Variants in OR5AN1 observed in about 807,000 individuals in gnomAD.
OR5AN1 encodes the protein olfactory receptor family 5 subfamily AN member 1.
For missense variants in OR5AN1, 476 were observed against 368.9 expected, an observed-to-expected ratio of 1.29 and a Z score of -2.38; for synonymous variants, 167 against 131.8, an observed-to-expected ratio of 1.27 and a Z score of -1.83.
Position 59,364,789 on chromosome 11 carries a change from A to C in OR5AN1, c.331A>C (p.Ser111Arg), listed in dbSNP as rs764033505. The change falls in exon 2 of 2, where the codon AGT (serine) becomes CGT (arginine). Residue 111 changes from serine to arginine, a missense_variant. Ser to Arg is a moderately radical substitution (Grantham distance 110). Coordinates refer to ENST00000641998, the MANE Select transcript of OR5AN1 (RefSeq NM_001004729.2). ...QYFIFSTMGL[S>R]ESCLMTAMAY... Reference sequence around the variant, plus strand: ...CTTTATCTTTTCAACGATGGGACTGAGTGAGTCTTGTCTCATGACAGCCAT... The same window carrying C: ...CTTTATCTTTTCAACGATGGGACTGCGTGAGTCTTGTCTCATGACAGCCAT... 1.2e-6 allele frequency: 2 copies of C among 1,614,046 alleles called. No homozygotes were observed. Among genetic ancestry groups the C allele is most frequent in the Admixed American group, 3.3e-5 (2 of 60,018 alleles).
chr11:59,365,282 C>T lies in OR5AN1; in HGVS notation c.824C>T (p.Ala275Val), dbSNP rs373581022. ...GGTTCTTCAAGCTTTGACAGATTTG[C>T]ATCTGTTTTCTACACTGTGGTCATT... is the stretch of plus-strand genomic sequence containing the variant. ...SGGSSSFDRFASVFYTVVIPM... is the reference protein window; with the variant it reads ...SGGSSSFDRFVSVFYTVVIPM... Residue 275 changes from alanine (A) to valine (V), a missense_variant, in exon 2 of 2, where the codon GCA becomes GTA. By Grantham distance (64) the Ala-to-Val change is moderately conservative. Transcript: ENST00000641998. 22 of 1,611,168 alleles carry T rather than the reference C, an allele frequency of 1.4e-5. No individual in the cohort carries two copies. Among genetic ancestry groups the T allele is most frequent in the Non-Finnish European group, 1.6e-5 (19 of 1,177,562 alleles).
Position 59,364,953 on chromosome 11 carries a change from T to G in OR5AN1, c.495T>G (p.Leu165=), listed in dbSNP as rs765072428. ...CTTTATTCCAAATTGGTGCTTTGCT[T>G]CAACTCCACTTCTGTGGGTCTAATG... ...TASLFQIGAL[L]QLHFCGSNVI... The change falls in exon 2 of 2, where the codon CTT becomes CTG. Residue 165 remains leucine (L), a synonymous_variant. Transcript: ENST00000641998. The G allele has an allele frequency of 1.7e-5, 27 of 1,614,056 alleles. No individual in the cohort carries two copies. The highest frequency in any genetic ancestry group is 2.3e-5 in the Non-Finnish European group (27 of 1,180,026).
intron 1 of OR5AN1, among the ~76,000 whole-genome samples, chr11:59,361,983 TTTGTGTG>T (rs1857469410): frequency 6.6e-6 from 1 of 151,342 alleles, no homozygotes; most frequent in African/African-American, 2.4e-5. Flanking sequence ...TGTGTGTGTG[TTTGTGTG>T]TGTGTGTGTG....
At chr11:59,364,384 CG>C in intron 1 of OR5AN1, 61 bp from the exon 2 acceptor site, 1 of 974,832 alleles carries the variant, frequency 1.0e-6, no homozygotes, top group Non-Finnish European at 1.6e-6. Context: ...CATATGAAGA[CG>C]GTAATGTTAT....
intron 1 of OR5AN1, chr11:59,359,951 T>C (rs1857445937): frequency 6.6e-6 from 1 of 152,230 alleles, no homozygotes; most frequent in African/African-American, 2.4e-5. Flanking sequence ...TCTAGTAAAA[T>C]CTTTAACCTA....
chr11:59,362,133 A>G (rs895246631), intron 1 of OR5AN1, among the ~76,000 whole-genome samples: 61 of 152,158 alleles, frequency 4.0e-4, no homozygotes, highest in African/African-American at 1.4e-3. Context: ...CAGTGGTCAT[A>G]TGAGTGCCCA....
chr11:59,364,141 T>G (rs182216550), intron 1 of OR5AN1, among the ~76,000 whole-genome samples: 110 of 152,326 alleles, frequency 7.2e-4, no homozygotes, highest in Non-Finnish European at 1.2e-3. Context: ...TTATCTTAAT[T>G]AGTGATCTTT....
rs1590583952 is a variant in OR5AN1 at position 59,367,690 on chromosome 11, G to C, written c.*2296G>C. 2 of 152,072 alleles carry C rather than the reference G, an allele frequency of 1.3e-5. No homozygotes were observed. Among genetic ancestry groups the C allele is most frequent in the Non-Finnish European group, 2.9e-5 (2 of 68,170 alleles). 9.4% of individuals were successfully genotyped at this position (152,072 alleles called of 1,614,324 possible). ...TGAAGAATCTGAGCTGACCCAGGGT[G>C]GAAGAGAACCCCCAGCCTAGCACAA... On this transcript the variant is annotated 3_prime_UTR_variant, in exon 2 of 2. Transcript: ENST00000641998.
Position 59,364,479 on chromosome 11 carries a change from T to C in OR5AN1, c.21T>C (p.Ile7=). 1 of 1,610,712 alleles carries C rather than the reference T, an allele frequency of 6.2e-7. No individual in the cohort carries two copies. Among genetic ancestry groups the C allele is most frequent in the Non-Finnish European group, 8.5e-7 (1 of 1,178,162 alleles). The stretch of plus-strand genomic sequence containing the variant: ...AGCCAATGACTGGGGGAGGAAATAT[T>C]ACAGAAATCACCTATTTCATCCTGC... MTGGGN[I]TEITYFILLG... Residue 7 remains isoleucine, a synonymous_variant, in exon 2 of 2, where the codon ATT becomes ATC. Coordinates refer to ENST00000641998, the MANE Select transcript of OR5AN1 (RefSeq NM_001004729.2).
Position 59,365,385 on chromosome 11 carries a change from G to A in OR5AN1, c.927G>A (p.Lys309=), listed in dbSNP as rs140118808. ...KDALKRLQKR[K]CC is the part of the protein sequence containing the mutation. ...CCTTAAAGAGGTTGCAAAAGAGAAA[G>A]TGCTGCTGAGTTTACAGATTCTGAG... The change falls in exon 2 of 2, where the codon AAG becomes AAA. Residue 309 remains lysine (K), a synonymous_variant. Coordinates refer to ENST00000641998, the MANE Select transcript of OR5AN1 (RefSeq NM_001004729.2). The A allele has an allele frequency of 4.4e-6, 7 of 1,579,264 alleles. No homozygotes were observed. The African/African-American group carries it at 8.2e-5, about 18-fold the overall frequency.
At chr11:59,361,312 C>T (rs923194409) in intron 1 of OR5AN1, among the ~76,000 whole-genome samples, 12 of 152,004 alleles carry the variant, frequency 7.9e-5, no homozygotes, top group Non-Finnish European at 5.9e-5. Flanking sequence ...TGAGGAGTCT[C>T]GCTCTGTTGC....
intron 1 of OR5AN1, among the ~76,000 whole-genome samples, chr11:59,361,001 G>T (rs1356732406): frequency 6.6e-6 from 1 of 152,146 alleles, no homozygotes; most frequent in African/African-American, 2.4e-5. Flanking sequence ...CTACTTATAG[G>T]TGTGCTCTGT....
Position 59,365,290 on chromosome 11 carries a change from T to C in OR5AN1, c.832T>C (p.Phe278Leu). The C allele has an allele frequency of 6.2e-7, 1 of 1,612,260 alleles. No individual in the cohort carries two copies. ...AAGCTTTGACAGATTTGCATCTGTT[T>C]TCTACACTGTGGTCATTCCCATGTT... The part of the protein sequence containing the change: ...SSSFDRFASV[F>L]YTVVIPMLNP... The change falls in exon 2 of 2, where the codon TTC becomes CTC. Residue 278 changes from phenylalanine to leucine, a missense_variant. Physicochemically the swap from Phe to Leu is conservative, Grantham distance 22. Coordinates refer to ENST00000641998, the MANE Select transcript of OR5AN1 (RefSeq NM_001004729.2).
In OR5AN1 at chr11:59,371,563, C is replaced by A. The variant is rs1483745920; in HGVS notation, c.*6169C>A. On this transcript the variant is annotated 3_prime_UTR_variant, in exon 2 of 2. Coordinates refer to ENST00000641998, the MANE Select transcript of OR5AN1 (RefSeq NM_001004729.2). Reference sequence around the variant, plus strand: ...AGAGACATTATAATAACAGAGAAAACAACAACAACAACAACTTACAAATAA... The same window carrying A: ...AGAGACATTATAATAACAGAGAAAAAAACAACAACAACAACTTACAAATAA... 2.0e-5 allele frequency: 3 copies of A among 150,144 alleles called. No individual in the cohort carries two copies. Among genetic ancestry groups the A allele is most frequent in the Admixed American group, 1.3e-4 (2 of 15,110 alleles). The allele number at this position is 150,144 out of a possible 1,614,324, so 9.3% of individuals were successfully genotyped here.
intron 1 of OR5AN1, among the ~76,000 whole-genome samples, chr11:59,363,700 A>G (rs116653932): frequency 1.9e-3 from 284 of 152,344 alleles, no homozygotes; most frequent in African/African-American, 6.1e-3. Flanking sequence ...CTTAGATAAC[A>G]ATCCAGGGCA....
In OR5AN1 at chr11:59,362,584, CTTT is replaced by C. The variant is rs201671286; in HGVS notation, c.-13-1859_-13-1857del. On this transcript the variant is annotated intron_variant, in intron 1 of 1. Coordinates refer to ENST00000641998, the MANE Select transcript of OR5AN1 (RefSeq NM_001004729.2). ...TAATGAATTATCAATGTTCAAAATA[CTTT>C]TTAATATCTGAAAGTTAAAATCCTT... Among the ~76,000 whole-genome samples the C allele has an allele frequency of 6.4e-4, 97 of 152,090 alleles. 1 individual carries two copies. Among genetic ancestry groups the C allele is most frequent in the African/African-American group, 2.2e-3 (92 of 41,392 alleles).
Position 59,365,499 on chromosome 11 carries a change from C to T in OR5AN1, c.*105C>T, listed in dbSNP as rs1857521203. 2 of 700,558 alleles carry T rather than the reference C, an allele frequency of 2.9e-6. No homozygotes were observed. Among genetic ancestry groups the T allele is most frequent in the Non-Finnish European group, 4.7e-6 (2 of 428,900 alleles). 43.4% of individuals were successfully genotyped at this position (700,558 alleles called of 1,614,324 possible). A position where few individuals can be genotyped will look rare whatever the true frequency, so the allele number is the denominator to read the frequency against. ...ATAACAAAATTCATGCTGCCTACTG[C>T]CTTTGGACAAAGAAGGCTTGATTTG... is the stretch of plus-strand genomic sequence containing the variant. On this transcript the variant is annotated 3_prime_UTR_variant, in exon 2 of 2. Transcript: ENST00000641998.
rs1317514868 is a variant in OR5AN1 at position 59,369,300 on chromosome 11, A to C, written c.*3906A>C. The C allele has an allele frequency of 1.3e-5, 2 of 152,200 alleles. No homozygotes were observed. Among genetic ancestry groups the C allele is most frequent in the Non-Finnish European group, 2.9e-5 (2 of 68,026 alleles). The allele number at this position is 152,200 out of a possible 1,614,324, so 9.4% of individuals were successfully genotyped here. On this transcript the variant is annotated 3_prime_UTR_variant, in exon 2 of 2. Coordinates refer to ENST00000641998, the MANE Select transcript of OR5AN1 (RefSeq NM_001004729.2). ...CTAGAATGACAGAAATAGAATTCAG[A>C]ATATGGATAGAAAAAAAAAGATCAT...
At position 59,371,462 on chromosome 11, in the gene OR5AN1, T is replaced by A. The variant is rs1857593445; in HGVS notation, c.*6068T>A. ...TTACCACCAAAGCTGAAAGCACAAT[T>A]TGTGCAGAAGGAGTTACGGTACAGC... On this transcript the variant is annotated 3_prime_UTR_variant, in exon 2 of 2. Transcript: ENST00000641998. 1.3e-5 allele frequency: 2 copies of A among 152,166 alleles called. No individual in the cohort carries two copies. The highest frequency in any genetic ancestry group is 2.4e-5 in the African/African-American group (1 of 41,420). The allele number at this position is 152,166 out of a possible 1,614,324, so 9.4% of individuals were successfully genotyped here. A position where few individuals can be genotyped will look rare whatever the true frequency, so the allele number is the denominator to read the frequency against.
Sources: allele counts gnomAD v4.1 joint callset (sites outside exome capture counted in the v4.1 genomes callset), GRCh38; gene constraint gnomAD v4.1.1; transcripts MANE v1.5; gene names NCBI Gene and HGNC (gene_info 2026-07-23, HGNC 2026-07-21).